The following DSC2 variants were observed in gnomAD, a reference collection of about 807,000 sequenced individuals.
DSC2 encodes the protein desmocollin 2.
In DSC2, 51 loss-of-function variants were observed where a neutral mutation model predicts 87.6. That is an observed-to-expected ratio of 0.58 (90% CI 0.46 to 0.74). The LOEUF (loss-of-function observed/expected upper bound fraction) is 0.74. Ranked by LOEUF, DSC2 falls within the 30% of genes least tolerant of loss-of-function variation. The pLI, the probability that DSC2 is intolerant of heterozygous loss-of-function variation, is 0.00. For synonymous variants in DSC2, 383 were observed against 393.2 expected, an observed-to-expected ratio of 0.97 and a Z score of 0.31; for missense variants, 1,066 against 1,089.5, an observed-to-expected ratio of 0.98 and a Z score of 0.30.
At chr18:31,070,024 A>G (rs968011669) in intron 14 of DSC2, among the ~76,000 whole-genome samples, 6 of 152,216 alleles carry the variant, frequency 3.9e-5, no homozygotes, top group Non-Finnish European at 7.3e-5. Flanking sequence ...GAAAATAACA[A>G]GAACACCAAA....
chr18:31,077,146 C>T (rs892663313), intron 11 of DSC2, among the ~76,000 whole-genome samples: 1 of 152,104 alleles, frequency 6.6e-6, no homozygotes, highest in Admixed American at 6.5e-5. Context: ...CAGGAAACAA[C>T]GCAACTACCT....
intron 9 of DSC2, 55 bp downstream of exon 9, chr18:31,082,183 A>C: frequency 2.3e-5 from 33 of 1,458,478 alleles, no homozygotes; most frequent in East Asian, 4.6e-5. Context: ...ATTAAATTCT[A>C]GCATGCTATT....
rs142594406 is a variant in DSC2, at chr18:31,074,696, C to T, written c.1875G>A (p.Leu625=). ...AAAAATATATACCATTAATTGCTTT[C>T]AGTCTCCACATTCTCTGTACTTCTG... ...STSEVQRMWR[L]KAINDTAARL... Residue 625 remains leucine, a synonymous_variant, in exon 12 of 16, where the codon CTG becomes CTA. Transcript: ENST00000280904. 6 of 1,613,710 alleles carry T rather than the reference C, an allele frequency of 3.7e-6. No homozygotes were observed. In the Admixed American group the frequency reaches 5.0e-5, roughly 13 times the overall value.
chr18:31,101,824 T>G, intron 1 of DSC2, 79 bp downstream of exon 1: 17 of 456,820 alleles, frequency 3.7e-5, no homozygotes, highest in East Asian at 1.0e-4. Flanking sequence ...CACCCCCACC[T>G]ATCCCCGTTC....
intron 14 of DSC2, among the ~76,000 whole-genome samples, chr18:31,069,577 T>C (rs1189744334): frequency 6.6e-6 from 1 of 152,016 alleles, no homozygotes; most frequent in South Asian, 2.1e-4. Flanking sequence ...CAGCTGGGCA[T>C]GGTAGTAGGC....
intron 12 of DSC2, among the ~76,000 whole-genome samples, chr18:31,073,696 T>C (rs1986908703): frequency 1.3e-5 from 2 of 152,294 alleles, no homozygotes; most frequent in South Asian, 4.1e-4. Flanking sequence ...TCATGGTCCA[T>C]AGGCAGTGTG....
In DSC2 at chr18:31,082,410, A is replaced by C. The variant is rs368089478; in HGVS notation, c.1091T>G (p.Val364Gly). ...TTCCACATCAACTGTATTTTCTTCC[A>C]CTGATGTCACATACTAAAATAATAA... ...TFTRTSYVTS[V>G]EENTVDVEIL... The change falls in exon 9 of 16, where the codon GTG (valine) becomes GGG (glycine). Residue 364 changes from valine (V) to glycine (G), a missense_variant. Transcript: ENST00000280904. 90 of 1,613,224 alleles carry C rather than the reference A, an allele frequency of 5.6e-5. No homozygotes were observed. Among genetic ancestry groups the C allele is most frequent in the Non-Finnish European group, 7.4e-5 (87 of 1,179,936 alleles).
rs1986963426 is a variant in DSC2 at position 31,074,877 on chromosome 18, A to C, written c.1694T>G (p.Ile565Ser). 2 of 1,613,966 alleles carry C rather than the reference A, an allele frequency of 1.2e-6. No homozygotes were observed. The highest frequency in any genetic ancestry group is 1.7e-6 in the Non-Finnish European group (2 of 1,179,946). ...GTTATCATTCACGTCTTGAAGTATAATGCCCAGTGTCCCCGTACATGTTCT... is the reference window on the plus strand; with the variant it reads ...GTTATCATTCACGTCTTGAAGTATACTGCCCAGTGTCCCCGTACATGTTCT... Reference protein sequence around the residue: ...GGRTCTGTLGIILQDVNDNSP... With the variant: ...GGRTCTGTLGSILQDVNDNSP... Residue 565 changes from isoleucine to serine, a missense_variant, in exon 12 of 16, where the codon ATT (isoleucine) becomes AGT (serine). Transcript: ENST00000280904.
rs1987993033 is a variant in DSC2 at position 31,102,228 on chromosome 18, T to C, written c.-257A>G. The C allele has an allele frequency of 9.8e-6, 4 of 409,536 alleles. No individual in the cohort carries two copies. The highest frequency in any genetic ancestry group is 1.7e-5 in the Non-Finnish European group (4 of 233,220). The allele number at this position is 409,536 out of a possible 1,614,324, so 25.4% of individuals were successfully genotyped here. ...CACCGATCGGCCCCTCCTTGTTGTC[T>C]ATTTAAGACTTAAGACTTCATTTCT... On this transcript the variant is annotated 5_prime_UTR_variant, in exon 1 of 16. The change creates a new upstream start codon in the 5' untranslated region. Transcript: ENST00000280904.
intron 14 of DSC2, among the ~76,000 whole-genome samples, chr18:31,069,627 A>G (rs1285887907): frequency 6.6e-6 from 1 of 151,716 alleles, no homozygotes; most frequent in Admixed American, 6.6e-5. Context: ...AGGCACAGGA[A>G]TCGCTTGAAC....
At position 31,070,739 on chromosome 18, in the gene DSC2, C is replaced by T. The variant is rs752499852; in HGVS notation, c.2237G>A (p.Gly746Glu). 1.2e-6 allele frequency: 2 copies of T among 1,613,696 alleles called. No homozygotes were observed. The highest frequency in any genetic ancestry group is 2.7e-5 in the African/African-American group (2 of 74,898). ...CAGACTACTTACCACTTTGTCATCT[C>T]CAGGAGCTTCTGTGTTTGATACAAT... Reference protein sequence around the residue: ...NLIVSNTEAPGDDKVYSANGF... With the variant: ...NLIVSNTEAPEDDKVYSANGF... The change falls in exon 14 of 16, where the codon GGA becomes GAA. Residue 746 changes from glycine (G) to glutamate (E), a missense_variant. Gly to Glu is a moderately conservative substitution (Grantham distance 98, BLOSUM62 -2). Transcript: ENST00000280904.
intron 6 of DSC2, among the ~76,000 whole-genome samples, chr18:31,086,946 G>A (rs1202633696): frequency 6.6e-6 from 1 of 152,132 alleles, no homozygotes; most frequent in African/African-American, 2.4e-5. Flanking sequence ...CGAATTGGGT[G>A]ATCATATTCA....
rs1486738811 is a variant in DSC2 at position 31,060,860 on chromosome 18, T to C, written c.*7155A>G. On this transcript the variant is annotated 3_prime_UTR_variant, in exon 16 of 16. Coordinates refer to ENST00000280904, the MANE Select transcript of DSC2 (RefSeq NM_024422.6). ...TGAAATGCTTAATTTGCAGACATTG[T>C]GAAATTTTACTCATCAATGTGTTTC... 1 of 152,190 alleles carries C rather than the reference T, an allele frequency of 6.6e-6. No homozygotes were observed. Among genetic ancestry groups the C allele is most frequent in the Non-Finnish European group, 1.5e-5 (1 of 68,030 alleles). The allele number at this position is 152,190 out of a possible 1,614,324, so 9.4% of individuals were successfully genotyped here. A position where few individuals can be genotyped will look rare whatever the true frequency, so the allele number is the denominator to read the frequency against.
intron 4 of DSC2, among the ~76,000 whole-genome samples, chr18:31,090,181 T>A (rs950173751): frequency 2.6e-5 from 4 of 152,224 alleles, no homozygotes; most frequent in African/African-American, 9.6e-5. Flanking sequence ...GCTGTGTTCA[T>A]CCTCTCAGTA....
intron 11 of DSC2, among the ~76,000 whole-genome samples, chr18:31,078,879 C>A (rs142979617): frequency 6.6e-6 from 1 of 151,980 alleles, no homozygotes; most frequent in Non-Finnish European, 1.5e-5. Context: ...GCACCAAACG[C>A]GTCTCATAAA....
chr18:31,082,683 G>A (rs1016922370), intron 8 of DSC2, among the ~76,000 whole-genome samples: 92 of 152,050 alleles, frequency 6.1e-4, no homozygotes, highest in African/African-American at 2.0e-3. Flanking sequence ...TCAGCTTCCC[G>A]AGTAGATGGG....
At chr18:31,074,442 TG>T (rs1460725846) in intron 12 of DSC2, among the ~76,000 whole-genome samples, 1 of 150,392 alleles carries the variant, frequency 6.6e-6, no homozygotes, top group Non-Finnish European at 1.5e-5. Context: ...TGTGTGTGTG[TG>T]TGTGTGTGTG....
At chr18:31,084,108 C>T (rs1987320135) in intron 7 of DSC2, among the ~76,000 whole-genome samples, 1 of 152,134 alleles carries the variant, frequency 6.6e-6, no homozygotes, top group African/African-American at 2.4e-5. Context: ...AGAATGTTCA[C>T]CCTTCTCTTA....
In DSC2 at chr18:31,074,859, T is replaced by C. The variant is rs1462605063; in HGVS notation, c.1712A>G (p.Asn571Ser). 2.5e-6 allele frequency: 4 copies of C among 1,613,980 alleles called. No homozygotes were observed. Among genetic ancestry groups the C allele is most frequent in the Non-Finnish European group, 2.5e-6 (3 of 1,179,982 alleles). ...GTLGIILQDVNDNSPFIPKKT... is the reference protein window; with the variant it reads ...GTLGIILQDVSDNSPFIPKKT... ...TTTAGGTATGAATGGGCTGTTATCA[T>C]TCACGTCTTGAAGTATAATGCCCAG... The change falls in exon 12 of 16, where the codon AAT (asparagine) becomes AGT (serine). Residue 571 changes from asparagine to serine, a missense_variant. By Grantham distance (46) the Asn-to-Ser change is conservative. Coordinates refer to ENST00000280904, the MANE Select transcript of DSC2 (RefSeq NM_024422.6).
Sources: allele counts gnomAD v4.1 joint callset (sites outside exome capture counted in the v4.1 genomes callset), GRCh38; gene constraint gnomAD v4.1.1; transcripts MANE v1.5; gene names NCBI Gene and HGNC (gene_info 2026-07-23, HGNC 2026-07-21).